Variants in INPP5A observed in about 807,000 individuals in gnomAD.
The protein encoded by INPP5A is 43 kDa inositol polyphosphate 5-phophatase.
In INPP5A, 14 loss-of-function variants were observed where a neutral mutation model predicts 65.2. The ratio of observed to expected loss-of-function variants is 0.21; its 90% CI spans 0.14 to 0.34. INPP5A has a LOEUF of 0.34. Ranked by LOEUF, INPP5A falls within the 10% of genes least tolerant of loss-of-function variation. INPP5A has a pLI of 1.00. For missense variants in INPP5A, 431 were observed against 545.6 expected, an observed-to-expected ratio of 0.79 and a Z score of 2.09; for synonymous variants, 207 against 208.3, an observed-to-expected ratio of 0.99 and a Z score of 0.05.
intron 1 of INPP5A, among the ~76,000 whole-genome samples, chr10:132,562,574 C>G (rs1024409867): frequency 2.0e-4 from 31 of 152,380 alleles, no homozygotes; most frequent in African/African-American, 7.0e-4. Flanking sequence ...CTGCCGCCTG[C>G]GGCTCCCAGC....
rs775555586 is a variant in INPP5A, at chr10:132,765,839, C to A, written c.970C>A (p.Pro324Thr). Residue 324 changes from proline to threonine, a missense_variant, in exon 12 of 16, where the codon CCT becomes ACT. Transcript: ENST00000368594. ...DRLYELDISF[P>T]PSYPYSEDAR... ...ACTGTATGAACTGGACATCTCGTTCCCTCCCAGGTATGGAACATGCTGTTT... is the reference window on the plus strand; with the variant it reads ...ACTGTATGAACTGGACATCTCGTTCACTCCCAGGTATGGAACATGCTGTTT... 1.3e-6 allele frequency: 2 copies of A among 1,592,660 alleles called. No homozygotes were observed. Among genetic ancestry groups the A allele is most frequent in the East Asian group, 2.2e-5 (1 of 44,780 alleles).
At position 132,675,786 on chromosome 10, in the gene INPP5A, G is replaced by T. The variant is rs1285434779; in HGVS notation, c.307-14606G>T. On this transcript the variant is annotated intron_variant, in intron 4 of 15. Transcript: ENST00000368594. This position sits in a 1 kb window ranked among gnomAD's most constrained non-coding sequence, Gnocchi z 4.2. ...AATGGACATTTAAAACTCAATTAAG[G>T]CTTTTGAGTAGAGTTTTATATGCCC... Among the ~76,000 whole-genome samples the T allele has an allele frequency of 2.6e-5, 4 of 152,176 alleles. No homozygotes were observed. Among genetic ancestry groups the T allele is most frequent in the East Asian group, 3.8e-4 (2 of 5,198 alleles).
rs114791769 is a variant in INPP5A at position 132,646,255 on chromosome 10, G to A, written c.218+287G>A. On this transcript the variant is annotated intron_variant, in intron 3 of 15. Transcript: ENST00000368594. The stretch of plus-strand genomic sequence containing the variant: ...GTGAGCCCCAGATACCAGTGGAGCC[G>A]TCTCCGTGTGTGTGTGTCTGAGGCC... Among the ~76,000 whole-genome samples, 900 of 152,306 alleles carry A rather than the reference G, an allele frequency of 5.9e-3. 11 individuals are homozygous for A. Among genetic ancestry groups the A allele is most frequent in the African/African-American group, 0.021 (854 of 41,562 alleles).
Position 132,780,936 on chromosome 10 carries a change from CA to C in INPP5A, c.1158+20del. 1 of 1,501,490 alleles carries C rather than the reference CA, an allele frequency of 6.7e-7. No homozygotes were observed. The highest frequency in any genetic ancestry group is 9.0e-7 in the Non-Finnish European group (1 of 1,112,778). 93.0% of individuals were successfully genotyped at this position (1,501,490 alleles called of 1,614,324 possible). A position where few individuals can be genotyped will look rare whatever the true frequency, so the allele number is the denominator to read the frequency against. On this transcript the variant is annotated intron_variant, in intron 14 of 15. Coordinates refer to ENST00000368594, the MANE Select transcript of INPP5A (RefSeq NM_005539.5). ...CCACAAGGTGACATAGACTGAGGTC[CA>C]GGGGCCAGGCTGGGGGACCAAGGGG...
At chr10:132,614,657 C>T (rs572567926) in intron 2 of INPP5A, among the ~76,000 whole-genome samples, 60 of 152,344 alleles carry the variant, frequency 3.9e-4, no homozygotes, top group African/African-American at 1.3e-3. Context: ...AGCCAGCCCC[C>T]GCTGCTGTCT....
chr10:132,609,739 G>A (rs1205827601), intron 2 of INPP5A, among the ~76,000 whole-genome samples: 1 of 152,156 alleles, frequency 6.6e-6, no homozygotes, highest in Non-Finnish European at 1.5e-5. Context: ...CCACCTCCCG[G>A]GTTCACGCCA....
At chr10:132,597,943 G>A (rs1437874349) in intron 1 of INPP5A, among the ~76,000 whole-genome samples, 1 of 152,096 alleles carries the variant, frequency 6.6e-6, no homozygotes, top group African/African-American at 2.4e-5. Context: ...GCTGTGCTAC[G>A]CGTAGTGACC....
Position 132,651,939 on chromosome 10 carries a change from G to A in INPP5A, c.306+1434G>A, listed in dbSNP as rs569179854. 2.8e-4 allele frequency among the ~76,000 whole-genome samples: 43 copies of A among 152,226 alleles called. 1 individual carries two copies. In the South Asian group the frequency reaches 8.1e-3, roughly 29 times the overall value. On this transcript the variant is annotated intron_variant, in intron 4 of 15. Transcript: ENST00000368594. The surrounding 1 kb of genome is among the most constrained non-coding windows in gnomAD (Gnocchi z 5.0). ...TCTCCTCACGCTCTGTGGGGCACAC[G>A]GGGACCACGGGGCCCCCACTCACAC...
chr10:132,581,086 T>C (rs981805654), intron 1 of INPP5A, among the ~76,000 whole-genome samples: 2 of 152,182 alleles, frequency 1.3e-5, no homozygotes. Flanking sequence ...CTCACGTAGC[T>C]TCGCCTGTCG....
At chr10:132,543,408 C>G (rs1278761147) in intron 1 of INPP5A, among the ~76,000 whole-genome samples, 1 of 152,070 alleles carries the variant, frequency 6.6e-6, no homozygotes, top group Non-Finnish European at 1.5e-5. Context: ...GCATTTCTTC[C>G]TTTCTTTCTT....
chr10:132,667,404 T>C (rs2133428000), intron 4 of INPP5A, among the ~76,000 whole-genome samples: 1 of 152,376 alleles, frequency 6.6e-6, no homozygotes, highest in Admixed American at 6.5e-5. Context: ...CTCCCAGTTT[T>C]CATCTATTAT....
At chr10:132,699,937 T>G (rs1845410064) in intron 6 of INPP5A, among the ~76,000 whole-genome samples, 1 of 152,150 alleles carries the variant, frequency 6.6e-6, no homozygotes, top group Admixed American at 6.5e-5. Flanking sequence ...TGCCACCCTT[T>G]GAAGGGTGGG....
Position 132,547,474 on chromosome 10 carries a change from G to A in INPP5A, c.75+9303G>A, listed in dbSNP as rs908961599. On this transcript the variant is annotated intron_variant, in intron 1 of 15. Coordinates refer to ENST00000368594, the MANE Select transcript of INPP5A (RefSeq NM_005539.5). This position sits in a 1 kb window ranked among gnomAD's most constrained non-coding sequence, Gnocchi z 5.5. ...AGGTGGTGTGAGGTTCTGTGAGCCCGGGCCCAGCTGCCGTGGTGAATATAA... is the reference window on the plus strand; with the variant it reads ...AGGTGGTGTGAGGTTCTGTGAGCCCAGGCCCAGCTGCCGTGGTGAATATAA... Among the ~76,000 whole-genome samples the A allele has an allele frequency of 1.3e-5, 2 of 152,144 alleles. No individual in the cohort carries two copies. Among genetic ancestry groups the A allele is most frequent in the Non-Finnish European group, 2.9e-5 (2 of 68,014 alleles).
At chr10:132,607,317 G>A (rs2133340077) in intron 1 of INPP5A, among the ~76,000 whole-genome samples, 1 of 152,364 alleles carries the variant, frequency 6.6e-6, no homozygotes, top group East Asian at 1.9e-4. Flanking sequence ...GTGTGCACGT[G>A]TGTGCACGCC....
In INPP5A at chr10:132,644,286, A is replaced by C. The variant is rs2072464675; in HGVS notation, c.118-1582A>C. On this transcript the variant is annotated intron_variant, in intron 2 of 15. Transcript: ENST00000368594. The surrounding 1 kb of genome is among the most constrained non-coding windows in gnomAD (Gnocchi z 6.5). ...CGCAGAGGCGGCTGCGAACTCAGGC[A>C]CGGCCGCCCTTGTCTCCTGCTGCCG... Among the ~76,000 whole-genome samples the C allele has an allele frequency of 6.6e-6, 1 of 152,194 alleles. No individual in the cohort carries two copies. Among genetic ancestry groups the C allele is most frequent in the African/African-American group, 2.4e-5 (1 of 41,450 alleles).
intron 1 of INPP5A, among the ~76,000 whole-genome samples, chr10:132,568,891 C>G (rs891114013): frequency 2.7e-5 from 4 of 149,758 alleles, no homozygotes; most frequent in Non-Finnish European, 4.4e-5. Flanking sequence ...CAACATAGAT[C>G]ACAATATGTT....
At position 132,607,911 on chromosome 10, in the gene INPP5A, A is replaced by G. The variant is rs147494884; in HGVS notation, c.76-4A>G. The stretch of plus-strand genomic sequence containing the variant: ...TGGCTTTTCTTTTTCTTCTTAATTT[A>G]CAGCCAGAAAACCTGCAGAAGAACT... On this transcript the variant is annotated splice_polypyrimidine_tract_variant and splice_region_variant and intron_variant, in intron 1 of 15. Coordinates refer to ENST00000368594, the MANE Select transcript of INPP5A (RefSeq NM_005539.5). The G allele has an allele frequency of 1.6e-4, 254 of 1,608,808 alleles. No homozygotes were observed. In the African/African-American group the frequency reaches 2.9e-3, roughly 18 times the overall value.
intron 8 of INPP5A, among the ~76,000 whole-genome samples, chr10:132,726,390 C>T (rs1048331554): frequency 3.3e-5 from 5 of 152,302 alleles, no homozygotes; most frequent in East Asian, 3.9e-4. Context: ...TCCCTCCTCC[C>T]GTCTGTCTCC....
rs1254420020 is a variant in INPP5A at position 132,650,021 on chromosome 10, T to C, written c.219-397T>C. On this transcript the variant is annotated intron_variant, in intron 3 of 15. Transcript: ENST00000368594. This position sits in a 1 kb window ranked among gnomAD's most constrained non-coding sequence, Gnocchi z 5.5. ...GCCCTGGGGTGCATGTGCCCCAACC[T>C]GTGTGTGCTGGTGGCTACTGGGGGT... Among the ~76,000 whole-genome samples, 3 of 152,138 alleles carry C rather than the reference T, an allele frequency of 2.0e-5. No homozygotes were observed. Among genetic ancestry groups the C allele is most frequent in the Admixed American group, 2.0e-4 (3 of 15,280 alleles).
Sources: gnomAD v4.1 joint callset for allele counts (sites outside exome capture counted in the v4.1 genomes callset) on GRCh38, gnomAD v4.1.1 for gene constraint, Gnocchi (gnomAD v3.1) non-coding constraint, MANE v1.5 for transcripts, NCBI Gene and HGNC (gene_info 2026-07-23, HGNC 2026-07-21) for gene names.